Variants in CCDC3 observed in about 807,000 individuals in gnomAD.
CCDC3 encodes the protein coiled-coil domain containing 3, also known as coiled-coil domain-containing protein 3.
A neutral mutation model predicts 21.4 loss-of-function variants in CCDC3; 24 were observed. The observed-to-expected ratio is 1.12, with a 90% CI of 0.81 to 1.58. The LOEUF (loss-of-function observed/expected upper bound fraction) is 1.58. CCDC3 is among the 40% of genes most tolerant of loss of function. CCDC3 has a pLI of 0.00. For missense variants in CCDC3, 425 were observed against 360.9 expected (o/e 1.18, Z -1.44); for synonymous variants, 186 against 166.0 (o/e 1.12, Z -0.93).
At chr10:12,927,114 G>T (rs1048346544) in intron 2 of CCDC3, among the ~76,000 whole-genome samples, 6 of 152,120 alleles carry the variant, frequency 3.9e-5, no homozygotes, top group Admixed American at 1.3e-4. Flanking sequence ...CTGCCAAAAA[G>T]AAATTATTTT....
At chr10:12,977,626 C>T (rs1198596030) in intron 2 of CCDC3, among the ~76,000 whole-genome samples, 3 of 152,180 alleles carry the variant, frequency 2.0e-5, no homozygotes, top group African/African-American at 7.2e-5. Flanking sequence ...CTCACAGAGC[C>T]TTTCAATTAA....
intron 2 of CCDC3, among the ~76,000 whole-genome samples, chr10:12,900,155 C>A (rs1834070450): frequency 6.6e-6 from 1 of 152,196 alleles, no homozygotes; most frequent in Non-Finnish European, 1.5e-5. Flanking sequence ...AATTGTGAGT[C>A]CATTAAACCT....
chr10:13,096,089 ATCTTT>A (rs202066258), intron 3 of CCDC3, among the ~76,000 whole-genome samples: 2,252 of 152,070 alleles, frequency 0.015, 55 homozygotes, highest in African/African-American at 0.05. Flanking sequence ...AATATTACAT[ATCTTT>A]TCTTTTCTTT....
At chr10:12,950,132 G>A (rs557047366) in intron 2 of CCDC3, among the ~76,000 whole-genome samples, 4 of 152,082 alleles carry the variant, frequency 2.6e-5, no homozygotes, top group African/African-American at 9.7e-5. Flanking sequence ...CTCTCTCCTT[G>A]TAAAAGCTTT....
At chr10:13,046,125 G>A (rs976841873) in intron 5 of CCDC3, among the ~76,000 whole-genome samples, 8 of 152,054 alleles carry the variant, frequency 5.3e-5, no homozygotes, top group African/African-American at 1.7e-4. Flanking sequence ...AAGTACATAA[G>A]CTGGGCATGG....
intron 5 of CCDC3, among the ~76,000 whole-genome samples, chr10:13,040,727 A>ACACACACACACACACAC (rs1564329655): frequency 6.7e-6 from 1 of 149,820 alleles, no homozygotes; most frequent in African/African-American, 2.5e-5. Context: ...ACACACACAC[A>ACACACACACACACACAC]AAGTAAACAG....
In CCDC3 at chr10:13,033,686, T is replaced by A. The variant is rs187394928; in HGVS notation, c.-2+15988A>T. Among the ~76,000 whole-genome samples, 3 of 152,286 alleles carry A rather than the reference T, an allele frequency of 2.0e-5. No homozygotes were observed. The East Asian group carries it at 5.8e-4, about 29-fold the overall frequency. ...CCCATCAAAAAGTGGGCAAAGGATA[T>A]GAACAGACACTTCTCAAAAGAAGAC... On this transcript the variant is annotated intron_variant, in intron 5 of 6. Coordinates refer to the CCDC3 transcript ENST00000378839.
At chr10:13,016,186 A>C (rs1836056321) in intron 5 of CCDC3, among the ~76,000 whole-genome samples, 1 of 152,004 alleles carries the variant, frequency 6.6e-6, no homozygotes, top group Non-Finnish European at 1.5e-5. Flanking sequence ...TCCCAGTGGC[A>C]ACCGAGTTAC....
chr10:13,008,652 G>T (rs547109963), intron 5 of CCDC3, among the ~76,000 whole-genome samples: 5 of 152,310 alleles, frequency 3.3e-5, no homozygotes, highest in African/African-American at 1.2e-4. Context: ...AATAGATATA[G>T]AAATCAATAT....
At chr10:13,099,929 C>T (rs1832697624), upstream of CCDC3, 1 of 152,014 alleles carries the variant, frequency 6.6e-6, no homozygotes, top group Non-Finnish European at 1.5e-5. Flanking sequence ...TCACCCGGGT[C>T]CCAGCCTCGA....
chr10:12,936,477 A>T (rs1444991056), intron 2 of CCDC3, among the ~76,000 whole-genome samples: 2 of 151,946 alleles, frequency 1.3e-5, no homozygotes, highest in African/African-American at 4.8e-5. Context: ...CTCCCACTTC[A>T]GCCTCCCAAA....
intron 2 of CCDC3, among the ~76,000 whole-genome samples, chr10:12,951,886 G>A (rs552738585): frequency 6.7e-6 from 1 of 148,482 alleles, no homozygotes; most frequent in South Asian, 2.2e-4. Flanking sequence ...TTCATACACA[G>A]TGGAGAGGGA....
At chr10:12,967,993 A>AC (rs1835286214) in intron 2 of CCDC3, among the ~76,000 whole-genome samples, 1 of 152,108 alleles carries the variant, frequency 6.6e-6, no homozygotes, top group South Asian at 2.1e-4. Context: ...ACATGGTGAA[A>AC]CCCAGTCCCT....
In CCDC3 at chr10:12,938,767, A is replaced by G. The variant is rs115380711; in HGVS notation, c.550-40088T>C. Among the ~76,000 whole-genome samples, 637 of 152,142 alleles carry G rather than the reference A, an allele frequency of 4.2e-3. 2 individuals carry two copies. The highest frequency in any genetic ancestry group is 0.015 in the African/African-American group (608 of 41,490). Reference sequence around the variant, plus strand: ...TCCTCCCACCCTCTTTTTCCCTCCAAAAGTAACTATTGTAACTATTTACTC... The same window carrying G: ...TCCTCCCACCCTCTTTTTCCCTCCAGAAGTAACTATTGTAACTATTTACTC... On this transcript the variant is annotated intron_variant, in intron 2 of 2. Coordinates refer to ENST00000378825, the MANE Select transcript of CCDC3 (RefSeq NM_031455.4).
At chr10:12,978,031 T>C (rs1835442041) in intron 2 of CCDC3, among the ~76,000 whole-genome samples, 1 of 151,988 alleles carries the variant, frequency 6.6e-6, no homozygotes, top group Non-Finnish European at 1.5e-5. Flanking sequence ...TTTTTTTTTT[T>C]TTCTTGAGAT....
chr10:13,005,280 T>C (rs1426632411), upstream of CCDC3, among the ~76,000 whole-genome samples: 3 of 152,200 alleles, frequency 2.0e-5, no homozygotes, highest in East Asian at 5.8e-4. Flanking sequence ...CTGGAGTATC[T>C]TCAAGAGGCC....
intron 3 of CCDC3, among the ~76,000 whole-genome samples, chr10:13,075,531 G>T (rs1427715455): frequency 1.3e-5 from 2 of 151,960 alleles, no homozygotes; most frequent in Non-Finnish European, 2.9e-5. Context: ...CACCGCTAAA[G>T]TATTGAATCT....
chr10:13,079,352 A>G (rs7079869), intron 3 of CCDC3, among the ~76,000 whole-genome samples: 113,436 of 152,048 alleles, frequency 0.75, 42,635 homozygotes, highest in Middle Eastern at 0.83. Flanking sequence ...GCAGAAGGAA[A>G]CTGGCTGTGA....
intron 5 of CCDC3, among the ~76,000 whole-genome samples, chr10:13,049,225 G>A (rs1836571649): frequency 6.6e-6 from 1 of 152,194 alleles, no homozygotes; most frequent in African/African-American, 2.4e-5. Flanking sequence ...AAGGAGATCA[G>A]TTAGATTCTC....
Sources: gnomAD v4.1 joint callset for allele counts (sites outside exome capture counted in the v4.1 genomes callset) on GRCh38, gnomAD v4.1.1 for gene constraint, MANE v1.5 for transcripts, NCBI Gene and HGNC (gene_info 2026-07-23, HGNC 2026-07-21) for gene names.